The following FALEC variants were observed in gnomAD, a reference collection of about 807,000 sequenced individuals.
FALEC encodes focally amplified lncRNA regulator of ECM1.
the FALEC span, among the ~76,000 whole-genome samples, chr1:150,530,180 G>T: frequency 6.6e-6 from 1 of 152,136 alleles, no homozygotes; most frequent in African/African-American, 2.4e-5. Flanking sequence ...TTTCTCTTCT[G>T]TAAAATGGGA....
At chr1:150,517,644 G>C (rs1309752529) in intron 1 of FALEC, 1 of 152,298 alleles carries the variant, frequency 6.6e-6, no homozygotes, top group African/African-American at 2.4e-5. Flanking sequence ...AAGTTGGCAG[G>C]CTGCAACCTG....
chr1:150,526,237 C>G, the FALEC span, among the ~76,000 whole-genome samples: 1 of 150,882 alleles, frequency 6.6e-6, no homozygotes, highest in Non-Finnish European at 1.5e-5. Context: ...GTAGTCCCAG[C>G]TACTCAGGAG....
chr1:150,520,428 G>C (rs1446973569), downstream of FALEC, among the ~76,000 whole-genome samples: 1 of 151,888 alleles, frequency 6.6e-6, no homozygotes, highest in Non-Finnish European at 1.5e-5. Flanking sequence ...TTGTCCTTTT[G>C]CATCTGGCTT....
chr1:150,534,368 C>A, the FALEC span, among the ~76,000 whole-genome samples: 2 of 152,190 alleles, frequency 1.3e-5, no homozygotes, highest in East Asian at 3.9e-4. Context: ...GAGCCCCGCA[C>A]CTTCATAGAA....
the FALEC span, among the ~76,000 whole-genome samples, chr1:150,527,807 ACCACTCCACTC>A: frequency 6.6e-6 from 1 of 152,110 alleles, no homozygotes; most frequent in Admixed American, 6.6e-5. Context: ...CCAAGATCGC[ACCACTCCACTC>A]CAACCTGGGC....
At chr1:150,522,902 T>TATAC (rs1553907930), downstream of FALEC, among the ~76,000 whole-genome samples, 37 of 53,152 alleles carry the variant, frequency 7.0e-4, no homozygotes, top group Non-Finnish European at 1.5e-3. Context: ...TATATATATA[T>TATAC]ACATATATAT....
At chr1:150,528,825 G>C in the FALEC span, among the ~76,000 whole-genome samples, 1 of 151,612 alleles carries the variant, frequency 6.6e-6, no homozygotes, top group African/African-American at 2.4e-5. Flanking sequence ...CTGACCTCTT[G>C]ATCCGTCTGC....
At chr1:150,523,865 G>T in the FALEC span, among the ~76,000 whole-genome samples, 1 of 152,032 alleles carries the variant, frequency 6.6e-6, no homozygotes, top group Non-Finnish European at 1.5e-5. Context: ...AATTATCTGC[G>T]CAGACTCTAA....
At chr1:150,525,457 A>AAAAC in the FALEC span, among the ~76,000 whole-genome samples, 9 of 151,900 alleles carry the variant, frequency 5.9e-5, no homozygotes, top group Admixed American at 2.6e-4. Flanking sequence ...CATGTCTTAA[A>AAAAC]AAACAAACAA....
intron 1 of FALEC, among the ~76,000 whole-genome samples, chr1:150,516,494 T>TA (rs1670571335): frequency 6.6e-6 from 1 of 152,196 alleles, no homozygotes; most frequent in South Asian, 2.1e-4. Context: ...TGCTGAGAGT[T>TA]AAAGAATTCT....
chr1:150,536,045 A>G, the FALEC span, among the ~76,000 whole-genome samples: 1 of 152,364 alleles, frequency 6.6e-6, no homozygotes, highest in South Asian at 2.1e-4. Flanking sequence ...AGTTAATAAC[A>G]TAAGGACGCA....
At chr1:150,523,844 A>G in the FALEC span, among the ~76,000 whole-genome samples, 1 of 151,994 alleles carries the variant, frequency 6.6e-6, no homozygotes, top group African/African-American at 2.4e-5. Context: ...TTGAGATGGG[A>G]GCTTATCCAG....
At chr1:150,516,129 C>G (rs1560269042) in intron 1 of FALEC, 1 of 151,826 alleles carries the variant, frequency 6.6e-6, no homozygotes. Flanking sequence ...TGGCGGGCGC[C>G]TATAATCCCA....
chr1:150,530,591 G>A, the FALEC span, among the ~76,000 whole-genome samples: 2 of 152,202 alleles, frequency 1.3e-5, no homozygotes, highest in East Asian at 3.9e-4. Context: ...TCCTCATCTT[G>A]ATAAGAAAGG....
At chr1:150,525,767 T>C in the FALEC span, among the ~76,000 whole-genome samples, 1 of 152,232 alleles carries the variant, frequency 6.6e-6, no homozygotes, top group East Asian at 1.9e-4. Flanking sequence ...TCCTCCTGCC[T>C]CAGGCTCCCG....
chr1:150,533,976 C>T, the FALEC span, among the ~76,000 whole-genome samples: 33 of 152,262 alleles, frequency 2.2e-4, 1 homozygote, highest in East Asian at 4.4e-3. Context: ...TAAAATCTGG[C>T]GTAAAGGACT....
chr1:150,525,801 A>C, the FALEC span, among the ~76,000 whole-genome samples: 10 of 152,096 alleles, frequency 6.6e-5, no homozygotes, highest in South Asian at 2.1e-3. Flanking sequence ...ACAGGCACAC[A>C]CCACCATACC....
At chr1:150,533,367 GA>G in the FALEC span, among the ~76,000 whole-genome samples, 1 of 150,534 alleles carries the variant, frequency 6.6e-6, no homozygotes, top group Non-Finnish European at 1.5e-5. Flanking sequence ...ATCGAGTGTG[GA>G]AACTCCGAAA....
chr1:150,529,016 C>CAAAAAAAAAAAAAAAAAAAAAAAAAAAA, the FALEC span, among the ~76,000 whole-genome samples: 63 of 59,282 alleles, frequency 1.1e-3, 6 homozygotes, highest in South Asian at 1.3e-3. Context: ...AAATAAATAG[C>CAAAAAAAAAAAAAAAAAAAAAAAAAAAA]AAAAAAAAAA....
Sources: allele counts gnomAD v4.1 joint callset (sites outside exome capture counted in the v4.1 genomes callset), GRCh38; gene constraint gnomAD v4.1.1; transcripts MANE v1.5; gene names NCBI Gene and HGNC (gene_info 2026-07-23, HGNC 2026-07-21).